Variants in DCPS observed in about 807,000 individuals in gnomAD.
The protein encoded by DCPS is m7GpppX diphosphatase.
Under a neutral mutation model 34.7 loss-of-function variants are expected in DCPS, and 27 were observed. The observed-to-expected ratio is 0.78, with a 90% CI of 0.57 to 1.07. DCPS has a LOEUF of 1.07. DCPS is among the 50% of genes least tolerant of loss of function. The probability of loss-of-function intolerance (pLI) is 0.00; values close to 1 mark genes in which losing one functional copy is unlikely to be tolerated. For synonymous variants in DCPS, 185 were observed against 185.7 expected, an observed-to-expected ratio of 1.00 and a Z score of 0.03; for missense variants, 464 against 436.9, an observed-to-expected ratio of 1.06 and a Z score of -0.55.
rs1345971903 is a variant in DCPS at position 126,323,333 on chromosome 11, T to G, written c.377-8072T>G. ...TGGGAAACAATTTTCAAAATACAAT[T>G]ATTGTTTTACCTTGAGCGGTAGAAA... On this transcript the variant is annotated intron_variant, in intron 2 of 5. Transcript: ENST00000263579. The surrounding 1 kb of genome is among the most constrained non-coding windows in gnomAD (Gnocchi z 4.4). 6.6e-6 allele frequency among the ~76,000 whole-genome samples: 1 copy of G among 152,182 alleles called. No individual in the cohort carries two copies. The highest frequency in any genetic ancestry group is 1.5e-5 in the Non-Finnish European group (1 of 68,030).
Position 126,312,533 on chromosome 11 carries a change from T to C in DCPS, c.376+5789T>C, listed in dbSNP as rs1951625186. On this transcript the variant is annotated intron_variant, in intron 2 of 5. Coordinates refer to ENST00000263579, the MANE Select transcript of DCPS (RefSeq NM_014026.6). The surrounding 1 kb of genome is among the most constrained non-coding windows in gnomAD (Gnocchi z 5.1). ...TTTTTGTATTTTTAATAGAGATGGG[T>C]TTTCACCACGTTGGCCAGGCTGGTC... 6.7e-6 allele frequency among the ~76,000 whole-genome samples: 1 copy of C among 150,362 alleles called. No individual in the cohort carries two copies. Among genetic ancestry groups the C allele is most frequent in the African/African-American group, 2.4e-5 (1 of 40,820 alleles).
rs1391378828 is a variant in DCPS at position 126,346,189 on chromosome 11, G to A, written c.*576G>A. On this transcript the variant is annotated 3_prime_UTR_variant, in exon 6 of 6. Transcript: ENST00000263579. The surrounding 1 kb of genome is among the most constrained non-coding windows in gnomAD (Gnocchi z 4.1). ...TCTTGTTGACGAGGATAGGGGCTTGGTGCCTGGAAATCGGCGGGTTTTAAT... is the reference window on the plus strand; with the variant it reads ...TCTTGTTGACGAGGATAGGGGCTTGATGCCTGGAAATCGGCGGGTTTTAAT... Among the ~76,000 whole-genome samples, 4 of 152,146 alleles carry A rather than the reference G, an allele frequency of 2.6e-5. No homozygotes were observed. The highest frequency in any genetic ancestry group is 9.7e-5 in the African/African-American group (4 of 41,426).
intron 2 of DCPS, among the ~76,000 whole-genome samples, chr11:126,324,576 C>A (rs915882920): frequency 6.9e-6 from 1 of 145,916 alleles, no homozygotes; most frequent in Admixed American, 6.9e-5. Context: ...CTTCAGCCTT[C>A]TGAGTAGCTG....
In DCPS at chr11:126,319,012, G is replaced by A. The variant is rs929040876; in HGVS notation, c.376+12268G>A. Among the ~76,000 whole-genome samples the A allele has an allele frequency of 2.0e-4, 31 of 152,240 alleles. No individual in the cohort carries two copies. Among genetic ancestry groups the A allele is most frequent in the Admixed American group, 1.8e-3 (28 of 15,292 alleles). ...AGCAGTTGGGCTTTTGTGTCTAGAC[G>A]GGGGACAAAGGGTGGCTTTATATAT... On this transcript the variant is annotated intron_variant, in intron 2 of 5. Coordinates refer to ENST00000263579, the MANE Select transcript of DCPS (RefSeq NM_014026.6). This position sits in a 1 kb window ranked among gnomAD's most constrained non-coding sequence, Gnocchi z 4.5.
At chr11:126,307,783 C>T (rs955025280) in intron 2 of DCPS, among the ~76,000 whole-genome samples, 1 of 152,192 alleles carries the variant, frequency 6.6e-6, no homozygotes, top group Non-Finnish European at 1.5e-5. Flanking sequence ...ATTGTATCTA[C>T]ATGTATTAAC....
rs1004875501 is a variant in DCPS, at chr11:126,319,871, T to C, written c.377-11534T>C. 2.6e-5 allele frequency among the ~76,000 whole-genome samples: 4 copies of C among 152,186 alleles called. No individual in the cohort carries two copies. The highest frequency in any genetic ancestry group is 4.4e-5 in the Non-Finnish European group (3 of 68,028). On this transcript the variant is annotated intron_variant, in intron 2 of 5. Transcript: ENST00000263579. This position sits in a 1 kb window ranked among gnomAD's most constrained non-coding sequence, Gnocchi z 4.5. ...AGCTGTGTGTCCTTGGGCAAATTAC[T>C]CAACATCTCTGGGGCTCAGTTTTAA...
chr11:126,316,238 G>A (rs1454299425), intron 2 of DCPS, among the ~76,000 whole-genome samples: 3 of 151,834 alleles, frequency 2.0e-5, no homozygotes, highest in African/African-American at 4.8e-5. Flanking sequence ...ATTACATCAA[G>A]CTTGTCCAAC....
chr11:126,313,645 G>A lies in DCPS; in HGVS notation c.376+6901G>A, dbSNP rs995942970. 6.6e-6 allele frequency among the ~76,000 whole-genome samples: 1 copy of A among 152,108 alleles called. No homozygotes were observed. Among genetic ancestry groups the A allele is most frequent in the African/African-American group, 2.4e-5 (1 of 41,418 alleles). The stretch of plus-strand genomic sequence containing the variant: ...AGAACTGAACAATATACTGCCTAGG[G>A]ATGCATACATGTGTAATAAGACTAT... On this transcript the variant is annotated intron_variant, in intron 2 of 5. Transcript: ENST00000263579. The surrounding 1 kb of genome is among the most constrained non-coding windows in gnomAD (Gnocchi z 4.9).
chr11:126,309,020 G>T (rs1565370895), intron 2 of DCPS, among the ~76,000 whole-genome samples: 1 of 130,994 alleles, frequency 7.6e-6, no homozygotes. Flanking sequence ...TTCTTTTCCT[G>T]CCCCTTTTTT....
In DCPS at chr11:126,306,559, T is replaced by C; in HGVS notation, c.202-11T>C. 1.3e-6 allele frequency: 2 copies of C among 1,592,682 alleles called. No individual in the cohort carries two copies. Among genetic ancestry groups the C allele is most frequent in the Admixed American group, 1.7e-5 (1 of 59,234 alleles). On this transcript the variant is annotated splice_polypyrimidine_tract_variant and intron_variant, in intron 1 of 5. Transcript: ENST00000263579. Reference sequence around the variant, plus strand: ...TGCCCTTGAGCCCACTGATGATGCCTCTGCCCACAGGTGAATGAGGCCTCT... The same window carrying C: ...TGCCCTTGAGCCCACTGATGATGCCCCTGCCCACAGGTGAATGAGGCCTCT...
At position 126,345,676 on chromosome 11, in the gene DCPS, T is replaced by C. The variant is rs1951919384; in HGVS notation, c.*63T>C. 2.6e-6 allele frequency: 4 copies of C among 1,566,884 alleles called. No individual in the cohort carries two copies. The highest frequency in any genetic ancestry group is 2.3e-5 in the South Asian group (2 of 86,850). ...GGGGAGGAGTGGGGACAAGATTTTT[T>C]ATCTCCAAGTGAATTTTCTAAAAAT... is the stretch of plus-strand genomic sequence containing the variant. On this transcript the variant is annotated 3_prime_UTR_variant, in exon 6 of 6. Transcript: ENST00000263579. This position sits in a 1 kb window ranked among gnomAD's most constrained non-coding sequence, Gnocchi z 7.4.
Position 126,304,274 on chromosome 11 carries a change from A to T in DCPS, c.194A>T (p.His65Leu), listed in dbSNP as rs1228691698. The T allele has an allele frequency of 3.7e-6, 6 of 1,613,938 alleles. No individual in the cohort carries two copies. The highest frequency in any genetic ancestry group is 5.1e-6 in the Non-Finnish European group (6 of 1,180,000). ...ESARDKIIFL[H>L]GKVNEASGDG... ...GCGCGGGACAAAATCATTTTCCTAC[A>T]CGGGAAGGTACCAGGAGGCAACCCT... Residue 65 changes from histidine (H) to leucine (L), a missense_variant, in exon 1 of 6, where the codon CAC (histidine) becomes CTC (leucine). Physicochemically the swap from His to Leu is moderately conservative, Grantham distance 99. Transcript: ENST00000263579.
chr11:126,339,276 A>G (rs1014697223), intron 4 of DCPS, among the ~76,000 whole-genome samples: 8 of 152,130 alleles, frequency 5.3e-5, no homozygotes, highest in Non-Finnish European at 1.0e-4. Context: ...CCTGTGGAGT[A>G]ATCCAGGCTC....
At position 126,331,278 on chromosome 11, in the gene DCPS, A is replaced by G; in HGVS notation, c.377-127A>G. 1 of 1,403,864 alleles carries G rather than the reference A, an allele frequency of 7.1e-7. No individual in the cohort carries two copies. Among genetic ancestry groups the G allele is most frequent in the Non-Finnish European group, 9.7e-7 (1 of 1,030,784 alleles). 87.0% of individuals were successfully genotyped at this position (1,403,864 alleles called of 1,614,324 possible). A position where few individuals can be genotyped will look rare whatever the true frequency, so the allele number is the denominator to read the frequency against. The stretch of plus-strand genomic sequence containing the variant: ...TGTGGGAGTGGATCTTGGGTGCATG[A>G]TCCTCTTGGATTTTGGCTTCCCTCA... On this transcript the variant is annotated intron_variant, in intron 2 of 5. Coordinates refer to ENST00000263579, the MANE Select transcript of DCPS (RefSeq NM_014026.6). The surrounding 1 kb of genome is among the most constrained non-coding windows in gnomAD (Gnocchi z 7.2).
At chr11:126,343,672 C>G (rs1349934262) in intron 5 of DCPS, among the ~76,000 whole-genome samples, 2 of 152,162 alleles carry the variant, frequency 1.3e-5, no homozygotes, top group Admixed American at 1.3e-4. Flanking sequence ...ACCCCTCACC[C>G]CATAGACTCT....
In DCPS at chr11:126,348,546, A is replaced by G. The variant is rs1951958297; in HGVS notation, c.*2933A>G. 6.6e-6 allele frequency among the ~76,000 whole-genome samples: 1 copy of G among 152,166 alleles called. No homozygotes were observed. Among genetic ancestry groups the G allele is most frequent in the African/African-American group, 2.4e-5 (1 of 41,434 alleles). On this transcript the variant is annotated 3_prime_UTR_variant, in exon 6 of 6. Coordinates refer to ENST00000263579, the MANE Select transcript of DCPS (RefSeq NM_014026.6). The surrounding 1 kb of genome is among the most constrained non-coding windows in gnomAD (Gnocchi z 5.3). ...AACCCTCTTTGGGCTTATCACCCTC[A>G]AGGTCTAGAGTGCACCAGGGTTGGC...
At chr11:126,321,979 A>G (rs1951709869) in intron 2 of DCPS, among the ~76,000 whole-genome samples, 1 of 152,204 alleles carries the variant, frequency 6.6e-6, no homozygotes, top group African/African-American at 2.4e-5. Flanking sequence ...GCTGAATCCA[A>G]GAAGTTAAAT....
At chr11:126,321,551 AAC>A (rs1951706687) in intron 2 of DCPS, among the ~76,000 whole-genome samples, 1 of 152,160 alleles carries the variant, frequency 6.6e-6, no homozygotes, top group Non-Finnish European at 1.5e-5. Context: ...AATACAAAAG[AAC>A]AGCCTGACCA....
Position 126,313,791 on chromosome 11 carries a change from T to C in DCPS, c.376+7047T>C, listed in dbSNP as rs1951636352. Among the ~76,000 whole-genome samples, 1 of 152,218 alleles carries C rather than the reference T, an allele frequency of 6.6e-6. No homozygotes were observed. Among genetic ancestry groups the C allele is most frequent in the Non-Finnish European group, 1.5e-5 (1 of 68,040 alleles). The stretch of plus-strand genomic sequence containing the variant: ...ATATTCTGTTTCTTGGATTGTGTGT[T>C]CTGAGCATATGTATTCTTTTTATTT... On this transcript the variant is annotated intron_variant, in intron 2 of 5. Transcript: ENST00000263579. The surrounding 1 kb of genome is among the most constrained non-coding windows in gnomAD (Gnocchi z 4.9).
Sources: gnomAD v4.1 joint callset for allele counts (sites outside exome capture counted in the v4.1 genomes callset) on GRCh38, gnomAD v4.1.1 for gene constraint, Gnocchi (gnomAD v3.1) non-coding constraint, MANE v1.5 for transcripts, NCBI Gene and HGNC (gene_info 2026-07-23, HGNC 2026-07-21) for gene names.